Variants in ACTN4 observed in about 807,000 individuals in gnomAD.
ACTN4 encodes the protein actinin alpha 4.
A neutral mutation model predicts 114.2 loss-of-function variants in ACTN4; 18 were observed. The ratio of observed to expected loss-of-function variants is 0.16; its 90% CI spans 0.11 to 0.23. The LOEUF (loss-of-function observed/expected upper bound fraction) is 0.23. Ranked by LOEUF, ACTN4 falls within the 10% of genes least tolerant of loss-of-function variation. ACTN4 has a pLI of 1.00. For missense variants in ACTN4, 722 were observed against 1,262.9 expected, an observed-to-expected ratio of 0.57 and a Z score of 6.49; for synonymous variants, 515 against 506.3, an observed-to-expected ratio of 1.02 and a Z score of -0.23.
chr19:38,670,973 T>C (rs148715188), intron 1 of ACTN4, among the ~76,000 whole-genome samples: 123 of 151,636 alleles, frequency 8.1e-4, no homozygotes, highest in Admixed American at 1.4e-3. Flanking sequence ...CTATTGGGTG[T>C]GAAGAGCTAC....
At chr19:38,675,830 G>A (rs1175216403) in intron 1 of ACTN4, among the ~76,000 whole-genome samples, 1 of 152,180 alleles carries the variant, frequency 6.6e-6, no homozygotes, top group African/African-American at 2.4e-5. Context: ...GCCATACCCA[G>A]CCAGGCCAAG....
In ACTN4 at chr19:38,692,569, G is replaced by GC. The variant is rs1228800901; in HGVS notation, c.163-8030dup. ...CCGCTGGTAACCCAGATTCCAGAAG[G>GC]CTTAGCCGTCTGGCCCTGAAAGCGC... is the stretch of plus-strand genomic sequence containing the variant. On this transcript the variant is annotated intron_variant, in intron 1 of 20. Transcript: ENST00000252699. 2.2e-3 allele frequency among the ~76,000 whole-genome samples: 331 copies of GC among 152,336 alleles called. 1 individual carries two copies. Among genetic ancestry groups the GC allele is most frequent in the African/African-American group, 7.7e-3 (322 of 41,572 alleles).
At chr19:38,716,657 C>A (rs1003444263) in intron 9 of ACTN4, among the ~76,000 whole-genome samples, 1 of 152,198 alleles carries the variant, frequency 6.6e-6, no homozygotes, top group African/African-American at 2.4e-5. Context: ...TATACTGAGA[C>A]CCCCTTCTCT....
In ACTN4 at chr19:38,647,683, G is replaced by T. The variant is rs1158647509; in HGVS notation, c.-63G>T. The T allele has an allele frequency of 2.7e-6, 4 of 1,498,978 alleles. No individual in the cohort carries two copies. The highest frequency in any genetic ancestry group is 2.9e-5 in the African/African-American group (2 of 68,436). 92.9% of individuals were successfully genotyped at this position (1,498,978 alleles called of 1,614,324 possible). On this transcript the variant is annotated 5_prime_UTR_variant, in exon 1 of 21. Coordinates refer to ENST00000252699, the MANE Select transcript of ACTN4 (RefSeq NM_004924.6). ...GAAGCGGCGGTAGCGGCGGCGGCTC[G>T]GGCAGAGGGGCGGGAGCTGAGGCGG...
At chr19:38,650,310 G>T (rs958033392) in intron 1 of ACTN4, among the ~76,000 whole-genome samples, 2 of 151,980 alleles carry the variant, frequency 1.3e-5, no homozygotes, top group Admixed American at 6.6e-5. Context: ...GGCTTTGTTC[G>T]TGGTTATAGT....
chr19:38,700,763 T>G lies in ACTN4; in HGVS notation c.277+49T>G, dbSNP rs769475322. On this transcript the variant is annotated intron_variant, in intron 2 of 20. Transcript: ENST00000252699. ...CGGCCGAGCCCTGGCACAGGTGCTCTGCCACAGCGGTCCCCAGAGACCCTG... is the reference window on the plus strand; with the variant it reads ...CGGCCGAGCCCTGGCACAGGTGCTCGGCCACAGCGGTCCCCAGAGACCCTG... 58 of 1,544,862 alleles carry G rather than the reference T, an allele frequency of 3.8e-5. No homozygotes were observed. In the Middle Eastern group the frequency reaches 5.3e-4, roughly 14 times the overall value.
chr19:38,674,740 C>A (rs1294364123), intron 1 of ACTN4, among the ~76,000 whole-genome samples: 1 of 152,172 alleles, frequency 6.6e-6, no homozygotes, highest in East Asian at 1.9e-4. Context: ...AACATTAGGG[C>A]CGAGTATCGA....
intron 1 of ACTN4, among the ~76,000 whole-genome samples, chr19:38,684,288 C>T (rs1281812351): frequency 6.6e-6 from 1 of 152,150 alleles, no homozygotes; most frequent in Non-Finnish European, 1.5e-5. Context: ...TCAGGCTCAG[C>T]CCCTTAGTGG....
intron 1 of ACTN4, among the ~76,000 whole-genome samples, chr19:38,649,975 G>A (rs1227929034): frequency 1.3e-5 from 2 of 152,160 alleles, no homozygotes; most frequent in African/African-American, 4.8e-5. Context: ...GCGATAGTTG[G>A]CATAAATTCA....
At chr19:38,651,402 G>T (rs917194984) in intron 1 of ACTN4, among the ~76,000 whole-genome samples, 1 of 152,164 alleles carries the variant, frequency 6.6e-6, no homozygotes, top group Admixed American at 6.5e-5. Flanking sequence ...TGGTCTTTGA[G>T]CAAATTCTTG....
At chr19:38,707,701 C>T (rs1296839587) in intron 5 of ACTN4, among the ~76,000 whole-genome samples, 1 of 152,184 alleles carries the variant, frequency 6.6e-6, no homozygotes, top group African/African-American at 2.4e-5. Flanking sequence ...CTGCAGTGGC[C>T]ACCTCCCCCG....
intron 1 of ACTN4, among the ~76,000 whole-genome samples, chr19:38,696,590 G>T (rs1968100784): frequency 6.6e-6 from 1 of 152,216 alleles, no homozygotes; most frequent in South Asian, 2.1e-4. Context: ...TCTCCGCATG[G>T]AGAAGTGGCC....
chr19:38,696,652 A>G (rs372655974), intron 1 of ACTN4, among the ~76,000 whole-genome samples: 148 of 152,168 alleles, frequency 9.7e-4, no homozygotes, highest in African/African-American at 3.5e-3. Context: ...GGCTCTCCTC[A>G]CCAGAGCTGA....
In ACTN4 at chr19:38,671,280, C is replaced by A. The variant is rs146809845; in HGVS notation, c.162+23373C>A. Reference sequence around the variant, plus strand: ...CACCATATTGCATATTTTTAGGCTTCAGGTTTTTGTGAACCAAAATAGTGG... The same window carrying A: ...CACCATATTGCATATTTTTAGGCTTAAGGTTTTTGTGAACCAAAATAGTGG... On this transcript the variant is annotated intron_variant, in intron 1 of 20. Transcript: ENST00000252699. 7.6e-4 allele frequency among the ~76,000 whole-genome samples: 115 copies of A among 152,304 alleles called. 1 individual carries two copies. The East Asian group carries it at 0.021, about 28-fold the overall frequency.
intron 3 of ACTN4, among the ~76,000 whole-genome samples, chr19:38,702,840 G>A (rs934622306): frequency 6.6e-5 from 10 of 152,170 alleles, no homozygotes; most frequent in Non-Finnish European, 1.3e-4. Context: ...CATCTTCTCT[G>A]TGACCTCTCC....
chr19:38,693,247 A>G (rs1170403368), intron 1 of ACTN4, among the ~76,000 whole-genome samples: 1 of 152,164 alleles, frequency 6.6e-6, no homozygotes, highest in African/African-American at 2.4e-5. Context: ...ATCATGTGCT[A>G]CACAGTGCAG....
chr19:38,694,010 G>T (rs995675885), intron 1 of ACTN4, among the ~76,000 whole-genome samples: 1 of 152,154 alleles, frequency 6.6e-6, no homozygotes, highest in Non-Finnish European at 1.5e-5. Context: ...GTGTGCAGGG[G>T]CAAGCTCTGA....
At chr19:38,672,943 CTT>C (rs35501640) in intron 1 of ACTN4, among the ~76,000 whole-genome samples, 22 of 122,852 alleles carry the variant, frequency 1.8e-4, no homozygotes, top group Middle Eastern at 4.5e-3. Flanking sequence ...GCCATCCATT[CTT>C]TTTTTTTTTT....
chr19:38,667,138 C>T (rs887667244), intron 1 of ACTN4, among the ~76,000 whole-genome samples: 2 of 152,196 alleles, frequency 1.3e-5, no homozygotes, highest in Non-Finnish European at 2.9e-5. Flanking sequence ...TTTGACCTGA[C>T]ACGATGGCTC....
Sources: gnomAD v4.1 joint callset for allele counts (sites outside exome capture counted in the v4.1 genomes callset) on GRCh38, gnomAD v4.1.1 for gene constraint, MANE v1.5 for transcripts, NCBI Gene and HGNC (gene_info 2026-07-23, HGNC 2026-07-21) for gene names.